Variants in PTPRT observed in about 807,000 individuals in gnomAD.
PTPRT encodes the protein protein tyrosine phosphatase receptor type T.
In PTPRT, 56 loss-of-function variants were observed where a neutral mutation model predicts 176.8. The ratio of observed to expected loss-of-function variants is 0.32; its 90% CI spans 0.26 to 0.40. The LOEUF (loss-of-function observed/expected upper bound fraction) is 0.40, where lower values mean the gene tolerates loss of function less well. Among genes scored for constraint, PTPRT ranks in the 10% least tolerant of loss-of-function variants. PTPRT has a pLI of 1.00. For synonymous variants in PTPRT, 783 were observed against 739.0 expected (o/e 1.06, Z -0.96); for missense variants, 1,540 against 1,908.2 (o/e 0.81, Z 3.60).
intron 12 of PTPRT, among the ~76,000 whole-genome samples, chr20:42,291,642 A>G (rs1414122784): frequency 6.6e-6 from 1 of 152,106 alleles, no homozygotes; most frequent in Non-Finnish European, 1.5e-5. Flanking sequence ...GAAGTTAGAC[A>G]CAGGAAGCAT....
chr20:42,931,120 C>G (rs1312552091), intron 1 of PTPRT, among the ~76,000 whole-genome samples: 3 of 152,124 alleles, frequency 2.0e-5, no homozygotes, highest in Admixed American at 2.0e-4. Flanking sequence ...TAGACTTGGA[C>G]AAGAGCAGGG....
chr20:42,786,212 C>T (rs2077288424), intron 3 of PTPRT, among the ~76,000 whole-genome samples: 1 of 152,124 alleles, frequency 6.6e-6, no homozygotes, highest in Non-Finnish European at 1.5e-5. Flanking sequence ...TATAAATTAC[C>T]CAGTCTTGGG....
intron 7 of PTPRT, among the ~76,000 whole-genome samples, chr20:42,579,941 C>A (rs909146262): frequency 1.3e-5 from 2 of 152,116 alleles, no homozygotes; most frequent in Non-Finnish European, 2.9e-5. Flanking sequence ...GCTTTTGTTG[C>A]CGTTGCTTTT....
chr20:42,550,655 G>A (rs1167699591), intron 7 of PTPRT, among the ~76,000 whole-genome samples: 1 of 152,040 alleles, frequency 6.6e-6, no homozygotes, highest in African/African-American at 2.4e-5. Context: ...GACATTTATT[G>A]CATTGCGGGG....
chr20:43,186,167 A>G (rs1467484765), intron 1 of PTPRT, among the ~76,000 whole-genome samples: 2 of 152,222 alleles, frequency 1.3e-5, no homozygotes, highest in African/African-American at 2.4e-5. Context: ...CGAGACAGCT[A>G]TAATTATCCT....
intron 1 of PTPRT, among the ~76,000 whole-genome samples, chr20:43,073,662 T>G (rs1383207297): frequency 6.6e-6 from 1 of 151,808 alleles, no homozygotes; most frequent in East Asian, 2.0e-4. Context: ...AGATACATAT[T>G]ACATATTTAA....
chr20:42,632,032 G>A (rs926011267), intron 7 of PTPRT, among the ~76,000 whole-genome samples: 9 of 152,058 alleles, frequency 5.9e-5, no homozygotes, highest in South Asian at 2.1e-4. Context: ...TTGGTTGGAC[G>A]CCGGAGACTG....
chr20:42,407,478 T>G (rs1217828363), intron 9 of PTPRT, among the ~76,000 whole-genome samples: 1 of 152,188 alleles, frequency 6.6e-6, no homozygotes, highest in African/African-American at 2.4e-5. Context: ...ACATTCCTAA[T>G]GAAAACTTTA....
At chr20:42,915,837 G>A (rs1035356794) in intron 1 of PTPRT, among the ~76,000 whole-genome samples, 6 of 151,654 alleles carry the variant, frequency 4.0e-5, no homozygotes, top group African/African-American at 7.3e-5. Context: ...GGGCTCAAGC[G>A]ATCCTCCTGC....
At chr20:42,590,866 C>A (rs1172157489) in intron 7 of PTPRT, among the ~76,000 whole-genome samples, 2 of 151,514 alleles carry the variant, frequency 1.3e-5, no homozygotes, top group African/African-American at 4.9e-5. Flanking sequence ...TATTGACAGA[C>A]CATTTGACTA....
intron 1 of PTPRT, among the ~76,000 whole-genome samples, chr20:43,165,216 T>C (rs1026364143): frequency 3.3e-5 from 5 of 151,006 alleles, no homozygotes; most frequent in African/African-American, 9.8e-5. Context: ...TGGAGTGCAA[T>C]GGCGCAATGT....
At chr20:42,516,601 T>C (rs758191835) in intron 7 of PTPRT, among the ~76,000 whole-genome samples, 6 of 152,176 alleles carry the variant, frequency 3.9e-5, no homozygotes, top group East Asian at 1.9e-4. Flanking sequence ...TGAACATTCA[T>C]GGGCTCATCT....
At chr20:42,453,681 T>G (rs2070872284) in intron 8 of PTPRT, among the ~76,000 whole-genome samples, 1 of 151,034 alleles carries the variant, frequency 6.6e-6, no homozygotes, top group South Asian at 2.1e-4. Context: ...TTTCTTTTTT[T>G]TTTTTTAAGA....
chr20:42,037,601 C>T, the PTPRT span, among the ~76,000 whole-genome samples: 1 of 152,128 alleles, frequency 6.6e-6, no homozygotes, highest in Non-Finnish European at 1.5e-5. Flanking sequence ...TAATGACAGT[C>T]GTTTCTACTG....
At chr20:42,453,664 TTTTTC>T (rs202132088) in intron 8 of PTPRT, among the ~76,000 whole-genome samples, 3,497 of 140,034 alleles carry the variant, frequency 0.025, 134 homozygotes, top group African/African-American at 0.087. Context: ...CTTTTTTTTC[TTTTTC>T]TTTTCTTTTT....
chr20:42,285,998 A>T (rs561027627), intron 12 of PTPRT, among the ~76,000 whole-genome samples: 162 of 152,106 alleles, frequency 1.1e-3, no homozygotes, highest in African/African-American at 3.7e-3. Flanking sequence ...AACTACCAAA[A>T]GTAATAAAAT....
At chr20:42,287,192 C>A (rs896052100) in intron 12 of PTPRT, among the ~76,000 whole-genome samples, 1 of 151,852 alleles carries the variant, frequency 6.6e-6, no homozygotes, top group Admixed American at 6.6e-5. Flanking sequence ...CTCAAAAAAA[C>A]TATAAATAGA....
intron 1 of PTPRT, among the ~76,000 whole-genome samples, chr20:43,096,059 T>TCCTCTCTC (rs748410775): frequency 1.2e-4 from 9 of 76,958 alleles, no homozygotes; most frequent in East Asian, 4.1e-4. Flanking sequence ...CCCACCTGCC[T>TCCTCTCTC]CCTCTCTCCC....
At chr20:42,170,590 G>C (rs1416820220) in intron 16 of PTPRT, among the ~76,000 whole-genome samples, 10 of 152,162 alleles carry the variant, frequency 6.6e-5, no homozygotes, top group Admixed American at 5.2e-4. Flanking sequence ...TAAGCAACAG[G>C]CTTGTGGAGA....
Sources: allele counts gnomAD v4.1 joint callset (sites outside exome capture counted in the v4.1 genomes callset), GRCh38; gene constraint gnomAD v4.1.1; transcripts MANE v1.5; gene names NCBI Gene and HGNC (gene_info 2026-07-23, HGNC 2026-07-21).